The following BCL2L11 variants were observed in gnomAD, a reference collection of about 807,000 sequenced individuals.
BCL2L11 encodes the protein bcl-2-like protein 11.
In BCL2L11, 15 loss-of-function variants were observed where a neutral mutation model predicts 20.6. The observed-to-expected ratio is 0.73, with a 90% CI of 0.49 to 1.12. BCL2L11 has a LOEUF of 1.12. BCL2L11 is among the 50% of genes most tolerant of loss of function. The pLI is 0.00. For missense variants in BCL2L11, 292 were observed against 260.9 expected, an observed-to-expected ratio of 1.12 and a Z score of -0.82; for synonymous variants, 108 against 92.8, an observed-to-expected ratio of 1.16 and a Z score of -0.94.
chr2:111,137,633 CTTTTTTT>C (rs575699231), intron 2 of BCL2L11, among the ~76,000 whole-genome samples: 2 of 132,940 alleles, frequency 1.5e-5, no homozygotes, highest in East Asian at 2.2e-4. Flanking sequence ...TTCCTCCCCA[CTTTTTTT>C]TTTTTTTTTT....
intron 2 of BCL2L11, chr2:111,128,864 A>G (rs948712667): frequency 2.2e-6 from 3 of 1,394,214 alleles, no homozygotes; most frequent in African/African-American, 1.5e-5. Flanking sequence ...GTTTCTTTCT[A>G]CCTTTTTAAA....
At chr2:111,133,481 T>G (rs2074312474) in intron 2 of BCL2L11, among the ~76,000 whole-genome samples, 1 of 152,262 alleles carries the variant, frequency 6.6e-6, no homozygotes, top group African/African-American at 2.4e-5. Flanking sequence ...AGACCTCCTC[T>G]TTGACCCTAG....
In BCL2L11 at chr2:111,164,136, T is replaced by A; in HGVS notation, c.502T>A (p.Phe168Ile). The A allele has an allele frequency of 6.3e-7, 1 of 1,595,252 alleles. No individual in the cohort carries two copies. The highest frequency in any genetic ancestry group is 1.3e-5 in the African/African-American group (1 of 74,530). Residue 168 changes from phenylalanine to isoleucine, a missense_variant, in exon 4 of 4, where the codon TTT becomes ATT. Coordinates refer to ENST00000393256, the MANE Select transcript of BCL2L11 (RefSeq NM_138621.5). ...EFNAYYARRV[F>I]LNNYQAAEDH... ...AGCTTTCCTTTTGTTGTTTCAGGTA[T>A]TTTTGAATAATTACCAAGCAGCCGA...
chr2:111,148,725 C>A (rs2076879893), intron 2 of BCL2L11, among the ~76,000 whole-genome samples: 1 of 152,152 alleles, frequency 6.6e-6, no homozygotes, highest in African/African-American at 2.4e-5. Context: ...GTCCCTCTTA[C>A]CCCACTGCCA....
At position 111,168,257 on chromosome 2, in the gene BCL2L11, C is replaced by T. The variant is rs759194900; in HGVS notation, c.*4026C>T. 6.5e-6 allele frequency: 1 copy of T among 152,676 alleles called. No individual in the cohort carries two copies. The highest frequency in any genetic ancestry group is 6.5e-5 in the Admixed American group (1 of 15,292). 9.5% of individuals were successfully genotyped at this position (152,676 alleles called of 1,614,324 possible). ...GATCTGGCTGTATACTGATCCATCA[C>T]TAACCTGTTTTCTAGGACCCAGCGT... On this transcript the variant is annotated 3_prime_UTR_variant, in exon 4 of 4. Transcript: ENST00000393256.
At chr2:111,130,424 T>C (rs1274844695) in intron 2 of BCL2L11, among the ~76,000 whole-genome samples, 1 of 152,262 alleles carries the variant, frequency 6.6e-6, no homozygotes, top group African/African-American at 2.4e-5. Context: ...CATCTATGTG[T>C]TCACTTGTAG....
chr2:111,136,624 T>G lies in BCL2L11; in HGVS notation c.394+12485T>G, dbSNP rs553510681. On this transcript the variant is annotated intron_variant, in intron 2 of 3. Coordinates refer to ENST00000393256, the MANE Select transcript of BCL2L11 (RefSeq NM_138621.5). Reference sequence around the variant, plus strand: ...TGATAAGTACAAGACAAAAGCAGGTTTGGTGTGCGGTGAGGGCCACTTAGA... The same window carrying G: ...TGATAAGTACAAGACAAAAGCAGGTGTGGTGTGCGGTGAGGGCCACTTAGA... Among the ~76,000 whole-genome samples the G allele has an allele frequency of 2.5e-4, 38 of 152,312 alleles. No homozygotes were observed. In the South Asian group the frequency reaches 6.8e-3, roughly 27 times the overall value.
At chr2:111,126,327 C>T (rs1389384283) in intron 2 of BCL2L11, among the ~76,000 whole-genome samples, 1 of 152,080 alleles carries the variant, frequency 6.6e-6, no homozygotes, top group South Asian at 2.1e-4. Flanking sequence ...TAATTATGCA[C>T]AGCTAATGGT....
At position 111,150,035 on chromosome 2, in the gene BCL2L11, C is replaced by T. The variant is rs1449749102; in HGVS notation, c.395-9C>T. ...AATGTGATTTTTGTTTTGTTTTGTT[C>T]TGATGCAGCTTCCATGAGGCAGGCT... On this transcript the variant is annotated splice_polypyrimidine_tract_variant and intron_variant, in intron 2 of 3. Transcript: ENST00000393256. The T allele has an allele frequency of 1.2e-6, 2 of 1,611,942 alleles. No homozygotes were observed. Among genetic ancestry groups the T allele is most frequent in the African/African-American group, 1.3e-5 (1 of 74,844 alleles).
rs570590544 is a variant in BCL2L11 at position 111,134,830 on chromosome 2, C to G, written c.394+10691C>G. 5.3e-5 allele frequency among the ~76,000 whole-genome samples: 8 copies of G among 152,346 alleles called. No individual in the cohort carries two copies. The South Asian group carries it at 1.5e-3, about 28-fold the overall frequency. ...TCTCTTTCAGTACTTGGAAAACATGCCACTTTCTTAGGGCCTCTATGGTTT... is the reference window on the plus strand; with the variant it reads ...TCTCTTTCAGTACTTGGAAAACATGGCACTTTCTTAGGGCCTCTATGGTTT... On this transcript the variant is annotated intron_variant, in intron 2 of 3. Transcript: ENST00000393256.
chr2:111,129,651 G>A lies in BCL2L11; in HGVS notation c.394+5512G>A, dbSNP rs575130499. On this transcript the variant is annotated intron_variant, in intron 2 of 3. Transcript: ENST00000393256. ...TGCAGTCCATTTCATGTGTCTGTGA[G>A]TGTTTACTTCTATTCAGGTTTATCA... Among the ~76,000 whole-genome samples the A allele has an allele frequency of 4.5e-4, 68 of 152,298 alleles. 1 individual carries two copies. The highest frequency in any genetic ancestry group is 1.9e-3 in the Admixed American group (29 of 15,300).
At chr2:111,161,636 C>T (rs2078560400) in intron 3 of BCL2L11, 6 of 1,412,750 alleles carry the variant, frequency 4.2e-6, no homozygotes, top group African/African-American at 1.4e-5. Context: ...TAGTGTCATA[C>T]TTGCCTTTAA....
rs1430238114 is a variant in BCL2L11 at position 111,161,663 on chromosome 2, A to G, written c.499-2470A>G. The G allele has an allele frequency of 4.9e-6, 6 of 1,219,636 alleles. No homozygotes were observed. The Admixed American group carries it at 8.4e-5, about 17-fold the overall frequency. 75.6% of individuals were successfully genotyped at this position (1,219,636 alleles called of 1,614,324 possible). On this transcript the variant is annotated intron_variant, in intron 3 of 3. Coordinates refer to ENST00000393256, the MANE Select transcript of BCL2L11 (RefSeq NM_138621.5). ...TGCCTTTAACTGGCAACTCCCCTGC[A>G]ATACAGGGATTGTCATCTTTAGTCC...
intron 2 of BCL2L11, among the ~76,000 whole-genome samples, chr2:111,137,470 T>C (rs558996496): frequency 6.6e-6 from 1 of 152,316 alleles, no homozygotes; most frequent in South Asian, 2.1e-4. Flanking sequence ...AGACTTGTGC[T>C]GGGGCATCTG....
At chr2:111,160,128 G>T (rs55798204) in intron 3 of BCL2L11, among the ~76,000 whole-genome samples, 1 of 152,166 alleles carries the variant, frequency 6.6e-6, no homozygotes, top group Non-Finnish European at 1.5e-5. Context: ...TGTTGGCCTT[G>T]CTGCCTCTGC....
At chr2:111,130,368 T>C (rs972262443) in intron 2 of BCL2L11, 2 of 224,288 alleles carry the variant, frequency 8.9e-6, no homozygotes, top group East Asian at 3.5e-4. Context: ...CCTCCCAAAG[T>C]GTTGGGATTA....
chr2:111,126,471 T>C (rs1318516658), intron 2 of BCL2L11, among the ~76,000 whole-genome samples: 4 of 152,182 alleles, frequency 2.6e-5, no homozygotes, highest in African/African-American at 7.2e-5. Flanking sequence ...TTAAAGTTAA[T>C]GTACCGAGGT....
In BCL2L11 at chr2:111,123,761, T is replaced by G; in HGVS notation, c.16T>G (p.Ser6Ala). Residue 6 changes from serine (S) to alanine (A), a missense_variant, in exon 2 of 4, where the codon TCT becomes GCT. Coordinates refer to ENST00000393256, the MANE Select transcript of BCL2L11 (RefSeq NM_138621.5). Reference protein sequence around the residue: MAKQPSDVSSECDREG... With the variant: MAKQPADVSSECDREG... ...AAAAGACCAAATGGCAAAGCAACCT[T>G]CTGATGTAAGTTCTGAGTGTGACCG... 1 of 1,394,994 alleles carries G rather than the reference T, an allele frequency of 7.2e-7. No homozygotes were observed. Among genetic ancestry groups the G allele is most frequent in the Non-Finnish European group, 9.4e-7 (1 of 1,067,446 alleles). 86.4% of individuals were successfully genotyped at this position (1,394,994 alleles called of 1,614,324 possible). A position where few individuals can be genotyped will look rare whatever the true frequency, so the allele number is the denominator to read the frequency against.
chr2:111,142,109 G>A (rs1025091730), intron 2 of BCL2L11, among the ~76,000 whole-genome samples: 1 of 152,200 alleles, frequency 6.6e-6, no homozygotes. Context: ...TCAGGGAGGA[G>A]GAGGAATGTG....
Sources: gnomAD v4.1 joint callset for allele counts (sites outside exome capture counted in the v4.1 genomes callset) on GRCh38, gnomAD v4.1.1 for gene constraint, MANE v1.5 for transcripts, NCBI Gene and HGNC (gene_info 2026-07-23, HGNC 2026-07-21) for gene names.